ARID1B: variants seen among roughly 807,000 people sequenced by gnomAD.
ARID1B encodes AT-rich interactive domain-containing protein 1B.
ARID1B carries 30 observed loss-of-function variants against 212.3 expected under a neutral mutation model. That is an observed-to-expected ratio of 0.14 (90% confidence interval 0.11 to 0.19). The LOEUF is 0.19. Among genes scored for constraint, ARID1B ranks in the 10% least tolerant of loss-of-function variants. The pLI, the probability that ARID1B is intolerant of heterozygous loss-of-function variation, is 1.00. For synonymous variants in ARID1B, 1,402 were observed against 1,301.7 expected, an observed-to-expected ratio of 1.08 and a Z score of -1.66; for missense variants, 2,891 against 3,204.0, an observed-to-expected ratio of 0.90 and a Z score of 2.36.
At chr6:157,088,034 G>A (rs1350507623) in intron 5 of ARID1B, among the ~76,000 whole-genome samples, 1 of 152,220 alleles carries the variant, frequency 6.6e-6, no homozygotes, top group African/African-American at 2.4e-5. Context: ...AATAGATGCA[G>A]TATAAAATCC....
At chr6:157,018,360 C>T (rs1180836063) in intron 4 of ARID1B, among the ~76,000 whole-genome samples, 1 of 151,938 alleles carries the variant, frequency 6.6e-6, no homozygotes, top group Non-Finnish European at 1.5e-5. Flanking sequence ...GGACTACAGG[C>T]ATGTGCCACT....
chr6:157,063,121 CTT>C (rs370603043), intron 4 of ARID1B, among the ~76,000 whole-genome samples: 1 of 146,440 alleles, frequency 6.8e-6, no homozygotes, highest in African/African-American at 2.5e-5. Context: ...TGGCTTTTCC[CTT>C]TTTTTTTTTC....
chr6:157,089,062 A>T (rs941718992), intron 5 of ARID1B, among the ~76,000 whole-genome samples: 2 of 152,136 alleles, frequency 1.3e-5, no homozygotes, highest in Non-Finnish European at 2.9e-5. Context: ...TGTCTCACAG[A>T]CTGGCTCTTT....
intron 1 of ARID1B, among the ~76,000 whole-genome samples, chr6:156,820,512 T>C (rs1241688926): frequency 6.6e-6 from 1 of 152,240 alleles, no homozygotes; most frequent in African/African-American, 2.4e-5. Context: ...TGCCTTCAAT[T>C]TGCTAATTTG....
chr6:157,043,149 A>G (rs1359270696), intron 4 of ARID1B, among the ~76,000 whole-genome samples: 1 of 152,210 alleles, frequency 6.6e-6, no homozygotes, highest in Non-Finnish European at 1.5e-5. Flanking sequence ...AAATAACATC[A>G]GCGTTCAAAC....
chr6:157,108,015 G>A (rs1333352314), intron 5 of ARID1B: 1 of 152,150 alleles, frequency 6.6e-6, no homozygotes, highest in Non-Finnish European at 1.5e-5. Flanking sequence ...TTTAAACTAT[G>A]CCTGTGGAAG....
chr6:156,911,725 A>G (rs1188734948), intron 3 of ARID1B, among the ~76,000 whole-genome samples: 1 of 152,206 alleles, frequency 6.6e-6, no homozygotes, highest in East Asian at 1.9e-4. Flanking sequence ...GCACTTCTCC[A>G]TTAGAAGGCT....
At chr6:156,884,187 G>C (rs898443752) in intron 2 of ARID1B, among the ~76,000 whole-genome samples, 4 of 152,190 alleles carry the variant, frequency 2.6e-5, no homozygotes, top group African/African-American at 9.7e-5. Context: ...TGTGTTCAAG[G>C]TTTTGACATA....
intron 4 of ARID1B, among the ~76,000 whole-genome samples, chr6:157,030,561 C>T (rs915968324): frequency 8.5e-5 from 13 of 152,206 alleles, no homozygotes; most frequent in African/African-American, 2.9e-4. Context: ...TGTAAATCCT[C>T]TGTGGAGGTA....
chr6:157,166,814 A>G (rs998825630), intron 8 of ARID1B: 2 of 451,846 alleles, frequency 4.4e-6, no homozygotes, highest in African/African-American at 2.0e-5. Flanking sequence ...AAAATGTGTA[A>G]TTTACTTGCA....
chr6:157,001,146 G>T lies in ARID1B; in HGVS notation c.2247+65570G>T, dbSNP rs61263112. Among the ~76,000 whole-genome samples, 1,119 of 152,246 alleles carry T rather than the reference G, an allele frequency of 7.3e-3. 19 individuals carry two copies. Among genetic ancestry groups the T allele is most frequent in the African/African-American group, 0.025 (1,038 of 41,526 alleles). Reference sequence around the variant, plus strand: ...TAATCTCTAAAGCTGTTCTCTTAAGGCATGCAGCAAGGAAACGGGGTAGGT... The same window carrying T: ...TAATCTCTAAAGCTGTTCTCTTAAGTCATGCAGCAAGGAAACGGGGTAGGT... On this transcript the variant is annotated intron_variant, in intron 4 of 19. Coordinates refer to ENST00000636930, the MANE Select transcript of ARID1B (RefSeq NM_001374828.1).
chr6:156,918,459 G>GT (rs1383819271), intron 3 of ARID1B, among the ~76,000 whole-genome samples: 1 of 152,156 alleles, frequency 6.6e-6, no homozygotes, highest in Non-Finnish European at 1.5e-5. Flanking sequence ...TAATTGCTTA[G>GT]TTTTTGGATA....
chr6:156,801,848 T>C (rs1780814431), intron 1 of ARID1B, among the ~76,000 whole-genome samples: 1 of 152,244 alleles, frequency 6.6e-6, no homozygotes, highest in South Asian at 2.1e-4. Context: ...CTGTCTGTGT[T>C]GCAGTTTGAA....
chr6:156,980,992 T>C (rs1389903704), intron 4 of ARID1B, among the ~76,000 whole-genome samples: 1 of 152,246 alleles, frequency 6.6e-6, no homozygotes, highest in Non-Finnish European at 1.5e-5. Context: ...CATTGTAGCA[T>C]AAACATCTGT....
chr6:157,034,019 G>A (rs969912094), intron 4 of ARID1B, among the ~76,000 whole-genome samples: 1 of 152,112 alleles, frequency 6.6e-6, no homozygotes, highest in African/African-American at 2.4e-5. Context: ...GGAGGAGAAC[G>A]TTGGCTATTA....
intron 3 of ARID1B, among the ~76,000 whole-genome samples, chr6:156,922,424 C>T (rs759141263): frequency 1.7e-4 from 26 of 152,234 alleles, no homozygotes; most frequent in Non-Finnish European, 3.1e-4. Flanking sequence ...CCGCCCGCCT[C>T]GGCCTCCCAA....
intron 4 of ARID1B, among the ~76,000 whole-genome samples, chr6:157,079,431 A>G (rs1443069823): frequency 1.3e-5 from 2 of 152,246 alleles, no homozygotes; most frequent in Non-Finnish European, 1.5e-5. Context: ...GTGTCTGTCA[A>G]TTTATTGACT....
chr6:156,981,219 T>C (rs1376320838), intron 4 of ARID1B, among the ~76,000 whole-genome samples: 1 of 152,340 alleles, frequency 6.6e-6, no homozygotes, highest in East Asian at 1.9e-4. Flanking sequence ...GCAGGATGGA[T>C]GATTGATGTC....
intron 4 of ARID1B, among the ~76,000 whole-genome samples, chr6:157,079,916 C>G (rs1784536731): frequency 6.6e-6 from 1 of 152,152 alleles, no homozygotes; most frequent in South Asian, 2.1e-4. Flanking sequence ...GGAGAAGAGA[C>G]ACTACTTCTG....
Sources: gnomAD v4.1 joint callset for allele counts (sites outside exome capture counted in the v4.1 genomes callset) on GRCh38, gnomAD v4.1.1 for gene constraint, MANE v1.5 for transcripts, NCBI Gene and HGNC (gene_info 2026-07-23, HGNC 2026-07-21) for gene names.